The following VGLL3 variants were observed in gnomAD, a reference collection of about 807,000 sequenced individuals.
VGLL3 encodes transcription cofactor vestigial-like protein 3.
VGLL3 carries 18 observed loss-of-function variants against 29.2 expected under a neutral mutation model. That is an observed-to-expected ratio of 0.62 (90% CI 0.43 to 0.91). The LOEUF is 0.91. Ranked by LOEUF, VGLL3 falls within the 40% of genes least tolerant of loss-of-function variation. The pLI is 0.00. For synonymous variants in VGLL3, 180 were observed against 151.8 expected, an observed-to-expected ratio of 1.19 and a Z score of -1.36; for missense variants, 440 against 413.2, an observed-to-expected ratio of 1.06 and a Z score of -0.56.
At chr3:86,973,688 T>C (rs1705151713) in intron 2 of VGLL3, among the ~76,000 whole-genome samples, 1 of 152,202 alleles carries the variant, frequency 6.6e-6, no homozygotes, top group South Asian at 2.1e-4. Flanking sequence ...ATTCTGTTCA[T>C]TTCCAGTATC....
chr3:86,960,777 A>T (rs1273225853), intron 3 of VGLL3, among the ~76,000 whole-genome samples: 4 of 151,952 alleles, frequency 2.6e-5, no homozygotes. Context: ...AGCTCATATA[A>T]TGACTCACTC....
intron 3 of VGLL3, among the ~76,000 whole-genome samples, chr3:86,958,766 A>T (rs969539820): frequency 5.3e-5 from 8 of 152,312 alleles, no homozygotes; most frequent in Non-Finnish European, 1.2e-4. Context: ...TTTTGCATGC[A>T]TCTCAAAGAT....
rs1195158158 is a variant in VGLL3, at chr3:86,991,125, G to T, written c.-382C>A. On this transcript the variant is annotated 5_prime_UTR_variant, in exon 1 of 4. Transcript: ENST00000398399. ...CAGGCCCGGGTCGGGCAGCCGTGGG[G>T]AGCCCAGCTCCGGTTTGCATATACA... 5.6e-6 allele frequency: 1 copy of T among 178,120 alleles called. No homozygotes were observed. The highest frequency in any genetic ancestry group is 2.4e-5 in the African/African-American group (1 of 41,966). The allele number at this position is 178,120 out of a possible 1,614,324, so 11.0% of individuals were successfully genotyped here.
intron 3 of VGLL3, among the ~76,000 whole-genome samples, chr3:86,966,795 A>G (rs1490010142): frequency 2.8e-5 from 3 of 107,064 alleles, no homozygotes; most frequent in Non-Finnish European, 3.9e-5. Context: ...ATATATATAT[A>G]TATATATATA....
rs1468831570 is a variant in VGLL3 at position 86,941,371 on chromosome 3, A to G, written c.*5653T>C. ...CAATAGGAAAGTTCACATCTTATGC[A>G]TATACCAAAAAAACTAATTAAAGTA... is the stretch of plus-strand genomic sequence containing the variant. On this transcript the variant is annotated 3_prime_UTR_variant, in exon 4 of 4. Transcript: ENST00000398399. 8.5e-5 allele frequency: 13 copies of G among 152,450 alleles called. No individual in the cohort carries two copies. Among genetic ancestry groups the G allele is most frequent in the Non-Finnish European group, 1.6e-4 (11 of 67,948 alleles). The allele number at this position is 152,450 out of a possible 1,614,324, so 9.4% of individuals were successfully genotyped here. A position where few individuals can be genotyped will look rare whatever the true frequency, so the allele number is the denominator to read the frequency against.
rs373683858 is a variant in VGLL3, at chr3:86,963,016, A to G, written c.937+5574T>C. 8.3e-5 allele frequency: 20 copies of G among 241,026 alleles called. No individual in the cohort carries two copies. In the East Asian group the frequency reaches 2.7e-3, roughly 32 times the overall value. The allele number at this position is 241,026 out of a possible 1,614,324, so 14.9% of individuals were successfully genotyped here. A position where few individuals can be genotyped will look rare whatever the true frequency, so the allele number is the denominator to read the frequency against. On this transcript the variant is annotated intron_variant, in intron 3 of 3. Transcript: ENST00000398399. ...TGGCTGAGGCAGGACAATTGGTTGA[A>G]CTCGGGAGGCAGAGGTTGCAGTGAG...
chr3:86,968,741 C>T lies in VGLL3; in HGVS notation c.786G>A (p.Leu262=). 1 of 1,614,126 alleles carries T rather than the reference C, an allele frequency of 6.2e-7. No homozygotes were observed. The change falls in exon 3 of 4, where the codon CTG becomes CTA. Residue 262 remains leucine, a synonymous_variant. Transcript: ENST00000398399. The stretch of plus-strand genomic sequence containing the variant: ...TGGCCGCATGCACTGAAGGCATCAG[C>T]AGAGGCCCATAGGATGGATCCAGGG... ...GSALDPSYGP[L]LMPSVHAARI... is the part of the protein sequence containing the mutation.
chr3:86,961,890 C>T (rs1375803703), intron 3 of VGLL3: 2 of 962,796 alleles, frequency 2.1e-6, no homozygotes, highest in African/African-American at 1.8e-5. Context: ...CAGAGTGAAA[C>T]AATCTCCTGC....
chr3:86,966,777 A>G (rs1344083), intron 3 of VGLL3, among the ~76,000 whole-genome samples: 139 of 12,892 alleles, frequency 0.011, no homozygotes, highest in African/African-American at 0.033. Flanking sequence ...GTGTGTGTAT[A>G]TATATATATA....
At chr3:86,989,175 G>C (rs1705526168) in intron 1 of VGLL3, among the ~76,000 whole-genome samples, 1 of 152,116 alleles carries the variant, frequency 6.6e-6, no homozygotes, top group South Asian at 2.1e-4. Flanking sequence ...ACTTCTACTA[G>C]TTTGTTATTT....
intron 3 of VGLL3, among the ~76,000 whole-genome samples, chr3:86,960,811 A>G (rs1010659686): frequency 2.0e-5 from 3 of 151,960 alleles, no homozygotes; most frequent in African/African-American, 7.3e-5. Context: ...TTAGGTGGCT[A>G]CTTACGCAAA....
chr3:86,950,483 T>C (rs1233531307), intron 3 of VGLL3, among the ~76,000 whole-genome samples: 1 of 152,186 alleles, frequency 6.6e-6, no homozygotes, highest in Non-Finnish European at 1.5e-5. Context: ...TTAACCACAA[T>C]ATACGTGTTC....
intron 2 of VGLL3, among the ~76,000 whole-genome samples, chr3:86,975,475 T>C (rs1705188274): frequency 6.6e-6 from 1 of 152,118 alleles, no homozygotes; most frequent in Admixed American, 6.5e-5. Flanking sequence ...AGAAAATATT[T>C]TTACCAATTA....
chr3:86,965,278 C>T (rs985840812), intron 3 of VGLL3, among the ~76,000 whole-genome samples: 22 of 152,168 alleles, frequency 1.4e-4, no homozygotes, highest in East Asian at 1.2e-3. Flanking sequence ...TTAATGGTCC[C>T]GGTCACCTGG....
chr3:86,973,061 C>T (rs1705136598), intron 2 of VGLL3, among the ~76,000 whole-genome samples: 3 of 147,596 alleles, frequency 2.0e-5, no homozygotes, highest in Non-Finnish European at 4.4e-5. Context: ...TTGTAAATGT[C>T]TCTTAAAAAA....
At chr3:86,957,064 A>G (rs1704740235) in intron 3 of VGLL3, among the ~76,000 whole-genome samples, 1 of 152,128 alleles carries the variant, frequency 6.6e-6, no homozygotes, top group Non-Finnish European at 1.5e-5. Flanking sequence ...TATCTCAACA[A>G]TACGTAAGCA....
chr3:86,966,328 G>A (rs1324636787), intron 3 of VGLL3, among the ~76,000 whole-genome samples: 1 of 152,072 alleles, frequency 6.6e-6, no homozygotes, highest in Non-Finnish European at 1.5e-5. Flanking sequence ...GAAGGCAGTA[G>A]GAGGTCTAAC....
At chr3:86,960,724 C>T (rs1704819927) in intron 3 of VGLL3, among the ~76,000 whole-genome samples, 1 of 151,918 alleles carries the variant, frequency 6.6e-6, no homozygotes, top group South Asian at 2.1e-4. Flanking sequence ...AAGAGATGAA[C>T]CAGATAGTGT....
intron 3 of VGLL3, among the ~76,000 whole-genome samples, chr3:86,954,281 C>A (rs536981621): frequency 7.9e-5 from 12 of 152,320 alleles, no homozygotes; most frequent in Admixed American, 2.0e-4. Flanking sequence ...AGTACAGCAC[C>A]TGCTCACCTG....
Sources: gnomAD v4.1 joint callset for allele counts (sites outside exome capture counted in the v4.1 genomes callset) on GRCh38, gnomAD v4.1.1 for gene constraint, MANE v1.5 for transcripts, NCBI Gene and HGNC (gene_info 2026-07-23, HGNC 2026-07-21) for gene names.